The following EEF1E1 variants were observed in gnomAD, a reference collection of about 807,000 sequenced individuals.
EEF1E1 encodes the protein eukaryotic translation elongation factor 1 epsilon-1.
EEF1E1 carries 19 observed loss-of-function variants against 19.9 expected under a neutral mutation model. The ratio of observed to expected loss-of-function variants is 0.95; its 90% CI spans 0.66 to 1.40. The LOEUF (loss-of-function observed/expected upper bound fraction) is 1.40. Ranked by LOEUF, EEF1E1 falls within the 40% of genes most tolerant of loss-of-function variation. The probability of loss-of-function intolerance (pLI) is 0.00; values close to 1 mark genes in which losing one functional copy is unlikely to be tolerated. For missense variants in EEF1E1, 198 were observed against 202.2 expected (o/e 0.98, Z 0.13); for synonymous variants, 81 against 80.0 (o/e 1.01, Z -0.07).
intron 3 of EEF1E1, among the ~76,000 whole-genome samples, chr6:8,086,296 T>C (rs1218636560): frequency 1.3e-5 from 2 of 152,154 alleles, no homozygotes; most frequent in Non-Finnish European, 2.9e-5. Flanking sequence ...CTGCATTCCA[T>C]TCTGAATTTT....
At chr6:8,074,861 T>G (rs1045772619), downstream of EEF1E1, among the ~76,000 whole-genome samples, 1 of 152,060 alleles carries the variant, frequency 6.6e-6, no homozygotes, top group Non-Finnish European at 1.5e-5. Flanking sequence ...TTGTGCACAA[T>G]AAAGAATTGC....
chr6:8,075,618 CTTG>C (rs1208351367), downstream of EEF1E1, among the ~76,000 whole-genome samples: 1 of 149,284 alleles, frequency 6.7e-6, no homozygotes, highest in Non-Finnish European at 1.5e-5. Context: ...AGTCAATCTT[CTTG>C]CTGGTGGAGG....
chr6:8,096,738 A>G (rs1369809177), intron 2 of EEF1E1, among the ~76,000 whole-genome samples: 1 of 152,042 alleles, frequency 6.6e-6, no homozygotes, highest in African/African-American at 2.4e-5. Flanking sequence ...CTGAAGCTAT[A>G]TCCAGTAGAT....
At chr6:8,101,390 G>T in intron 1 of EEF1E1, among the ~76,000 whole-genome samples, 1 of 148,056 alleles carries the variant, frequency 6.8e-6, no homozygotes, top group Non-Finnish European at 1.5e-5. Flanking sequence ...TAGGGAGTAG[G>T]GGCCGAAGGG....
chr6:8,073,745 T>C (rs1757532712), intron 3 of EEF1E1, among the ~76,000 whole-genome samples: 3 of 152,274 alleles, frequency 2.0e-5, no homozygotes, highest in Admixed American at 2.0e-4. Context: ...TTGTATTATA[T>C]CCCAATTCTT....
chr6:8,099,133 T>C (rs1351858521), intron 1 of EEF1E1, among the ~76,000 whole-genome samples: 11 of 152,230 alleles, frequency 7.2e-5, no homozygotes, highest in Non-Finnish European at 1.6e-4. Context: ...TATTTTCACA[T>C]TCATTTTAAG....
At chr6:8,087,442 T>C (rs1289061852) in intron 3 of EEF1E1, among the ~76,000 whole-genome samples, 1 of 152,234 alleles carries the variant, frequency 6.6e-6, no homozygotes, top group African/African-American at 2.4e-5. Context: ...GGTCTCGAAC[T>C]CCTGACCTCA....
intron 2 of EEF1E1, among the ~76,000 whole-genome samples, chr6:8,094,378 C>G (rs577206335): frequency 6.6e-6 from 1 of 151,902 alleles, no homozygotes; most frequent in Non-Finnish European, 1.5e-5. Flanking sequence ...GGGTGGACCA[C>G]TTGAGGTTAG....
intron 1 of EEF1E1, 121 bp from the exon 2 acceptor site, chr6:8,097,588 G>A: frequency 1.4e-6 from 1 of 716,826 alleles, no homozygotes; most frequent in Non-Finnish European, 2.3e-6. Flanking sequence ...TTTACTCTAA[G>A]ATACTAAATT....
chr6:8,102,158 ACT>A lies in EEF1E1; in HGVS notation c.87+275_87+276del, dbSNP rs1366895349. On this transcript the variant is annotated intron_variant, in intron 1 of 3. Coordinates refer to ENST00000379715, the MANE Select transcript of EEF1E1 (RefSeq NM_004280.5). The stretch of plus-strand genomic sequence containing the variant: ...AGAGCCCTGTGAGGACCCTCCTCCA[ACT>A]GGTTTTGTTTCCTCATAATGGGATG... The A allele has an allele frequency of 4.7e-6, 6 of 1,273,158 alleles. No homozygotes were observed. The Admixed American group carries it at 2.0e-4, about 43-fold the overall frequency. 78.9% of individuals were successfully genotyped at this position (1,273,158 alleles called of 1,614,324 possible).
intron 1 of EEF1E1, chr6:8,101,944 G>A (rs1758377866): frequency 8.1e-7 from 1 of 1,239,134 alleles, no homozygotes; most frequent in Admixed American, 2.3e-5. Context: ...TGTCCACCTG[G>A]CCAAAAAGCA....
intron 3 of EEF1E1, among the ~76,000 whole-genome samples, chr6:8,084,297 A>G (rs1483948628): frequency 6.6e-6 from 1 of 152,126 alleles, no homozygotes; most frequent in Non-Finnish European, 1.5e-5. Flanking sequence ...AAAACCAAGT[A>G]CCCTCCAGTG....
At chr6:8,081,613 T>G (rs1385528727) in intron 3 of EEF1E1, among the ~76,000 whole-genome samples, 13 of 152,212 alleles carry the variant, frequency 8.5e-5, no homozygotes, top group Non-Finnish European at 1.9e-4. Context: ...TTTTTCTAAA[T>G]CTTTACCATA....
rs186013392 is a variant in EEF1E1, at chr6:8,073,779, G to A, written c.385-269C>T. ...TTTGCAAATTGATGATCCATGTGAT[G>A]TCAGCAATGTATTAACAAAATATCT... is the stretch of plus-strand genomic sequence containing the variant. On this transcript the variant is annotated intron_variant, in intron 3 of 3. Coordinates refer to the EEF1E1 transcript ENST00000429723. 3.3e-4 allele frequency among the ~76,000 whole-genome samples: 50 copies of A among 152,364 alleles called. 2 individuals carry two copies. The East Asian group carries it at 6.7e-3, about 21-fold the overall frequency.
Position 8,079,691 on chromosome 6 carries a change from T to C in EEF1E1, c.*199A>G, listed in dbSNP as rs1035060920. The C allele has an allele frequency of 7.9e-6, 10 of 1,269,638 alleles. No individual in the cohort carries two copies. The South Asian group carries it at 8.7e-5, about 11-fold the overall frequency. The allele number at this position is 1,269,638 out of a possible 1,614,324, so 78.6% of individuals were successfully genotyped here. On this transcript the variant is annotated 3_prime_UTR_variant, in exon 4 of 4. Coordinates refer to ENST00000379715, the MANE Select transcript of EEF1E1 (RefSeq NM_004280.5). ...TGGATCTCAACTTGTTTAATAGCAA[T>C]TGAATTTTGACATAAAAATTGCAAA...
downstream of EEF1E1, among the ~76,000 whole-genome samples, chr6:8,076,944 TTTG>T (rs748266604): frequency 0.08 from 10,120 of 126,934 alleles, 408 homozygotes; most frequent in Non-Finnish European, 0.089. Flanking sequence ...TGTTTTTGTT[TTTG>T]TTTTTTTTTT....
rs568450271 is a variant in EEF1E1 at position 8,096,228 on chromosome 6, C to T, written c.288+1039G>A. Among the ~76,000 whole-genome samples, 5 of 152,288 alleles carry T rather than the reference C, an allele frequency of 3.3e-5. No homozygotes were observed. In the South Asian group the frequency reaches 1.0e-3, roughly 32 times the overall value. ...CGGAATCAAGTACTTCATTACTATCCTTTCCCTTGGAAAACTGTAAAAGAT... is the reference window on the plus strand; with the variant it reads ...CGGAATCAAGTACTTCATTACTATCTTTTCCCTTGGAAAACTGTAAAAGAT... On this transcript the variant is annotated intron_variant, in intron 2 of 3. Transcript: ENST00000379715.
intron 1 of EEF1E1, chr6:8,102,019 T>C (rs1758379828): frequency 8.3e-7 from 1 of 1,204,130 alleles, no homozygotes. Context: ...CCCAGCACGG[T>C]GCTACCTGGC....
chr6:8,096,823 C>G (rs999644806), intron 2 of EEF1E1, among the ~76,000 whole-genome samples: 5 of 151,846 alleles, frequency 3.3e-5, no homozygotes, highest in Non-Finnish European at 4.4e-5. Context: ...GTGAGCTTTC[C>G]CAGATCAGAC....
Sources: gnomAD v4.1 joint callset for allele counts (sites outside exome capture counted in the v4.1 genomes callset) on GRCh38, gnomAD v4.1.1 for gene constraint, MANE v1.5 for transcripts, NCBI Gene and HGNC (gene_info 2026-07-23, HGNC 2026-07-21) for gene names.